WNT2: variants seen among roughly 807,000 people sequenced by gnomAD.
The protein encoded by WNT2 is protein Wnt-2.
In WNT2, 12 loss-of-function variants were observed where a neutral mutation model predicts 36.9. That is an observed-to-expected ratio of 0.33 (90% CI 0.21 to 0.53). WNT2 has a LOEUF of 0.53. Ranked by LOEUF, WNT2 falls within the 20% of genes least tolerant of loss-of-function variation. The probability of loss-of-function intolerance (pLI) is 0.95; values close to 1 mark genes in which losing one functional copy is unlikely to be tolerated. For synonymous variants in WNT2, 163 were observed against 174.6 expected (o/e 0.93, Z 0.52); for missense variants, 379 against 473.1 (o/e 0.80, Z 1.84).
intron 3 of WNT2, among the ~76,000 whole-genome samples, chr7:117,308,322 A>G (rs1795050877): frequency 6.6e-6 from 1 of 152,214 alleles, no homozygotes; most frequent in African/African-American, 2.4e-5. Flanking sequence ...TAAGGTGTGG[A>G]ATTTACATTT....
intron 3 of WNT2, among the ~76,000 whole-genome samples, chr7:117,310,548 A>T (rs148037744): frequency 7.3e-6 from 1 of 136,710 alleles, no homozygotes; most frequent in East Asian, 2.1e-4. Context: ...GTGCCACCGC[A>T]CTCCAGCCTG....
chr7:117,288,139 G>C (rs1175848274), intron 4 of WNT2, among the ~76,000 whole-genome samples: 1 of 152,100 alleles, frequency 6.6e-6, no homozygotes, highest in East Asian at 1.9e-4. Flanking sequence ...TTGGTATATG[G>C]AAAACACATA....
intron 4 of WNT2, among the ~76,000 whole-genome samples, chr7:117,286,774 A>G (rs1044801079): frequency 6.6e-6 from 1 of 151,898 alleles, no homozygotes; most frequent in African/African-American, 2.4e-5. Flanking sequence ...CATAGGAAAG[A>G]CAATATCTTC....
At chr7:117,281,962 G>A (rs1363598781) in intron 4 of WNT2, among the ~76,000 whole-genome samples, 1 of 152,124 alleles carries the variant, frequency 6.6e-6, no homozygotes, top group African/African-American at 2.4e-5. Context: ...TGATGAAGAG[G>A]ATGAAAGAGA....
chr7:117,299,110 T>G (rs981371043), intron 3 of WNT2, among the ~76,000 whole-genome samples: 5 of 152,220 alleles, frequency 3.3e-5, no homozygotes, highest in African/African-American at 1.2e-4. Flanking sequence ...TGGGCATCTT[T>G]AAAGGATGTC....
rs770311367 is a variant in WNT2 at position 117,276,072 on chromosome 7, T to G, written c.*2083A>C. The stretch of plus-strand genomic sequence containing the variant: ...TTAATGGATAAAGTCCTACACTATC[T>G]CAAACACTCAAGAGTGTGGTCCTAT... On this transcript the variant is annotated 3_prime_UTR_variant, in exon 5 of 5. Transcript: ENST00000265441. 3.3e-5 allele frequency among the ~76,000 whole-genome samples: 5 copies of G among 152,232 alleles called. No individual in the cohort carries two copies. Among genetic ancestry groups the G allele is most frequent in the South Asian group, 2.1e-4 (1 of 4,830 alleles).
intron 4 of WNT2, 137 bp from the exon 5 acceptor site, chr7:117,278,521 G>A (rs539930059): frequency 5.2e-5 from 43 of 829,862 alleles, no homozygotes; most frequent in Middle Eastern, 3.6e-4. Flanking sequence ...TGTTATACTC[G>A]TTCTGTGGGC....
At chr7:117,282,357 GA>G (rs1368806507) in intron 4 of WNT2, among the ~76,000 whole-genome samples, 2 of 151,898 alleles carry the variant, frequency 1.3e-5, no homozygotes, top group African/African-American at 4.8e-5. Flanking sequence ...AGGAGAAGGG[GA>G]GGGAGGAGAA....
intron 4 of WNT2, among the ~76,000 whole-genome samples, chr7:117,280,096 C>T (rs1025092053): frequency 2.6e-5 from 4 of 151,856 alleles, no homozygotes; most frequent in African/African-American, 9.7e-5. Context: ...GAATGATTGG[C>T]GGCGGAGAGC....
chr7:117,292,341 G>A (rs1794705187), intron 4 of WNT2, among the ~76,000 whole-genome samples: 1 of 152,110 alleles, frequency 6.6e-6, no homozygotes, highest in Admixed American at 6.5e-5. Flanking sequence ...GGCACAGTGA[G>A]AAAGGTATGG....
intron 4 of WNT2, among the ~76,000 whole-genome samples, chr7:117,289,160 C>A (rs980041708): frequency 2.0e-5 from 3 of 148,296 alleles, no homozygotes; most frequent in Non-Finnish European, 4.4e-5. Flanking sequence ...CCCAGGTTCA[C>A]GCTATTCTCC....
At chr7:117,298,280 T>C (rs1794833518) in intron 3 of WNT2, among the ~76,000 whole-genome samples, 1 of 152,234 alleles carries the variant, frequency 6.6e-6, no homozygotes, top group East Asian at 1.9e-4. Context: ...TAAAAATGTA[T>C]GTATTATGCA....
intron 3 of WNT2, among the ~76,000 whole-genome samples, chr7:117,309,647 C>A (rs1364142180): frequency 6.6e-6 from 1 of 152,162 alleles, no homozygotes; most frequent in Non-Finnish European, 1.5e-5. Context: ...TTTTATATGG[C>A]AACCCTAGTT....
intron 4 of WNT2, among the ~76,000 whole-genome samples, chr7:117,278,738 A>G (rs733153): frequency 2.2e-4 from 33 of 152,116 alleles, no homozygotes; most frequent in African/African-American, 7.7e-4. Context: ...GAGCCAGATC[A>G]GAATAAAAGA....
At chr7:117,287,031 A>G (rs1794594080) in intron 4 of WNT2, among the ~76,000 whole-genome samples, 1 of 152,226 alleles carries the variant, frequency 6.6e-6, no homozygotes, top group Admixed American at 6.5e-5. Context: ...CTGATGTCAC[A>G]GTCATGTAGA....
At chr7:117,315,448 T>C in intron 2 of WNT2, 100 bp from the exon 3 acceptor site, 1 of 1,266,806 alleles carries the variant, frequency 7.9e-7, no homozygotes, top group Non-Finnish European at 1.1e-6. Context: ...TCAGACAACC[T>C]TTGCCACTAG....
At chr7:117,286,729 C>T (rs974127228) in intron 4 of WNT2, among the ~76,000 whole-genome samples, 1 of 151,910 alleles carries the variant, frequency 6.6e-6, no homozygotes, top group African/African-American at 2.4e-5. Context: ...TCAGGCTCAC[C>T]CCTTCCTCAC....
chr7:117,282,511 A>G (rs1001279854), intron 4 of WNT2, among the ~76,000 whole-genome samples: 18 of 151,946 alleles, frequency 1.2e-4, no homozygotes, highest in African/African-American at 4.1e-4. Context: ...GGAGGAAGAG[A>G]AGGAGAAAGC....
rs1261147991 is a variant in WNT2, at chr7:117,276,111, T to C, written c.*2044A>G. Among the ~76,000 whole-genome samples, 2 of 152,242 alleles carry C rather than the reference T, an allele frequency of 1.3e-5. No individual in the cohort carries two copies. The highest frequency in any genetic ancestry group is 6.5e-5 in the Admixed American group (1 of 15,282). On this transcript the variant is annotated 3_prime_UTR_variant, in exon 5 of 5. Coordinates refer to ENST00000265441, the MANE Select transcript of WNT2 (RefSeq NM_003391.3). ...GTGTGGTCCTATTTGTGATGGAGCA[T>C]TGGGCAATGCCTGATATGTGCACCA...
Sources: allele counts gnomAD v4.1 joint callset (sites outside exome capture counted in the v4.1 genomes callset), GRCh38; gene constraint gnomAD v4.1.1; transcripts MANE v1.5; gene names NCBI Gene and HGNC (gene_info 2026-07-23, HGNC 2026-07-21).